CNTNAP5: variants seen among roughly 807,000 people sequenced by gnomAD.
The protein encoded by CNTNAP5 is contactin associated protein family member 5.
In CNTNAP5, 72 loss-of-function variants were observed where a neutral mutation model predicts 150.2. The observed-to-expected ratio is 0.48, with a 90% CI of 0.40 to 0.58. The LOEUF (loss-of-function observed/expected upper bound fraction) is 0.58. Among genes scored for constraint, CNTNAP5 ranks in the 20% least tolerant of loss-of-function variants. The pLI, the probability that CNTNAP5 is intolerant of heterozygous loss-of-function variation, is 0.00. For synonymous variants in CNTNAP5, 672 were observed against 619.8 expected (o/e 1.08, Z -1.25); for missense variants, 1,636 against 1,626.2 (o/e 1.01, Z -0.10).
intron 3 of CNTNAP5, among the ~76,000 whole-genome samples, chr2:124,384,782 G>A (rs17011481): frequency 0.09 from 13,704 of 152,182 alleles, 789 homozygotes; most frequent in East Asian, 0.17. Flanking sequence ...TCTGTTATCT[G>A]ATTTCCCCAG....
At chr2:124,740,296 C>CTTCAAAGTTCTATGAAGAGTTT (rs1373746392) in intron 13 of CNTNAP5, among the ~76,000 whole-genome samples, 1 of 152,138 alleles carries the variant, frequency 6.6e-6, no homozygotes, top group African/African-American at 2.4e-5. Context: ...AGAATAGTTT[C>CTTCAAAGTTCTATGAAGAGTTT]TTCAAAGTTC....
chr2:124,095,037 C>A (rs1401165801), intron 1 of CNTNAP5, among the ~76,000 whole-genome samples: 1 of 152,186 alleles, frequency 6.6e-6, no homozygotes, highest in East Asian at 1.9e-4. Context: ...GGGTAAGACA[C>A]ATGCACACTT....
intron 21 of CNTNAP5, among the ~76,000 whole-genome samples, chr2:124,876,783 C>T (rs1399066643): frequency 6.6e-6 from 1 of 152,058 alleles, no homozygotes; most frequent in Non-Finnish European, 1.5e-5. Flanking sequence ...CAAATCCTCA[C>T]ATTGTGTGTA....
Position 124,764,075 on chromosome 2 carries a change from A to T in CNTNAP5, c.2461A>T (p.Lys821Ter). ...EFSADISFFF[K>*]TTALSGVFLE... Reference sequence around the variant, plus strand: ...CAGTGCCGATATTTCCTTCTTTTTTAAAACCACAGCATTATCCGGAGTTTT... The same window carrying T: ...CAGTGCCGATATTTCCTTCTTTTTTTAAACCACAGCATTATCCGGAGTTTT... Residue 821 changes from lysine (K) to a stop codon, truncating the protein, a stop_gained, in exon 16 of 24, where the codon AAA (lysine) becomes TAA (stop). Coordinates refer to ENST00000682447, the MANE Select transcript of CNTNAP5 (RefSeq NM_001367498.1). LOFTEE classifies it high-confidence loss of function. 1 of 1,613,250 alleles carries T rather than the reference A, an allele frequency of 6.2e-7. No individual in the cohort carries two copies. The highest frequency in any genetic ancestry group is 8.5e-7 in the Non-Finnish European group (1 of 1,179,390).
intron 13 of CNTNAP5, among the ~76,000 whole-genome samples, chr2:124,739,364 T>C (rs954750276): frequency 1.3e-5 from 2 of 152,170 alleles, no homozygotes; most frequent in Non-Finnish European, 2.9e-5. Context: ...TTGTTTTTCT[T>C]TCTGACTAAA....
chr2:124,464,635 C>T (rs1414466973), intron 6 of CNTNAP5, among the ~76,000 whole-genome samples: 1 of 152,138 alleles, frequency 6.6e-6, no homozygotes, highest in Non-Finnish European at 1.5e-5. Flanking sequence ...ATTTGGAAAG[C>T]CATCGTCCAA....
At chr2:124,635,615 A>G (rs1036847206) in intron 12 of CNTNAP5, among the ~76,000 whole-genome samples, 1 of 152,186 alleles carries the variant, frequency 6.6e-6, no homozygotes, top group Non-Finnish European at 1.5e-5. Flanking sequence ...TTGGAAGTGG[A>G]AAATAACAAA....
At chr2:124,077,662 C>G (rs1682469985) in intron 1 of CNTNAP5, among the ~76,000 whole-genome samples, 1 of 152,188 alleles carries the variant, frequency 6.6e-6, no homozygotes, top group Admixed American at 6.5e-5. Context: ...AGTTTTCTCT[C>G]AATGCCATCA....
intron 12 of CNTNAP5, among the ~76,000 whole-genome samples, chr2:124,630,564 G>T (rs944119381): frequency 6.6e-6 from 1 of 152,002 alleles, no homozygotes; most frequent in Admixed American, 6.6e-5. Flanking sequence ...GGTATTGAAG[G>T]AACATACCTC....
At chr2:124,185,501 G>A (rs992672923) in intron 1 of CNTNAP5, among the ~76,000 whole-genome samples, 1 of 152,084 alleles carries the variant, frequency 6.6e-6, no homozygotes, top group African/African-American at 2.4e-5. Flanking sequence ...GCTCTTTTGG[G>A]TTACCTTCAT....
In CNTNAP5 at chr2:124,307,584, C is replaced by T. The variant is rs530456926; in HGVS notation, c.381+65191C>T. On this transcript the variant is annotated intron_variant, in intron 3 of 23. Transcript: ENST00000682447. ...TGAACTCAAGGGTTTTTGGCTTTAG[C>T]CTCAGCCATTATTTTTCTATTGGTT... 1.4e-4 allele frequency among the ~76,000 whole-genome samples: 22 copies of T among 152,298 alleles called. No homozygotes were observed. In the South Asian group the frequency reaches 1.9e-3, roughly 13 times the overall value.
chr2:124,722,479 A>G (rs1680068760), intron 13 of CNTNAP5, among the ~76,000 whole-genome samples: 1 of 152,184 alleles, frequency 6.6e-6, no homozygotes, highest in Non-Finnish European at 1.5e-5. Context: ...ATAGGTCCCA[A>G]GCAAGACCAA....
chr2:124,841,428 A>G (rs1002987097), intron 19 of CNTNAP5, among the ~76,000 whole-genome samples: 1 of 150,950 alleles, frequency 6.6e-6, no homozygotes, highest in African/African-American at 2.4e-5. Context: ...TTCATTTAGT[A>G]AGATCCTCTG....
At chr2:124,759,797 C>A (rs1390748795) in intron 14 of CNTNAP5, among the ~76,000 whole-genome samples, 6 of 151,050 alleles carry the variant, frequency 4.0e-5, no homozygotes, top group Admixed American at 4.0e-4. Context: ...CTCCCACCCA[C>A]CCCTGTGTGG....
intron 21 of CNTNAP5, among the ~76,000 whole-genome samples, chr2:124,900,708 G>A (rs1242684938): frequency 6.6e-6 from 1 of 151,646 alleles, no homozygotes; most frequent in Admixed American, 6.6e-5. Flanking sequence ...GGGAATGAGA[G>A]CTGGCAATGT....
At chr2:124,263,201 C>T (rs1330069663) in intron 3 of CNTNAP5, among the ~76,000 whole-genome samples, 1 of 152,144 alleles carries the variant, frequency 6.6e-6, no homozygotes, top group African/African-American at 2.4e-5. Context: ...TATTTCTAGT[C>T]TAGATCCTTG....
At chr2:124,684,953 C>A (rs956352500) in intron 13 of CNTNAP5, among the ~76,000 whole-genome samples, 3 of 152,124 alleles carry the variant, frequency 2.0e-5, no homozygotes, top group African/African-American at 7.2e-5. Flanking sequence ...CTTTTAATCA[C>A]CAGGCCTTCC....
intron 19 of CNTNAP5, among the ~76,000 whole-genome samples, chr2:124,837,730 C>T (rs1682859846): frequency 6.6e-6 from 1 of 152,124 alleles, no homozygotes; most frequent in Admixed American, 6.6e-5. Context: ...ACACGCTTCT[C>T]CTAGGAATTC....
At chr2:124,311,187 T>C (rs1688821516) in intron 3 of CNTNAP5, among the ~76,000 whole-genome samples, 1 of 152,204 alleles carries the variant, frequency 6.6e-6, no homozygotes, top group African/African-American at 2.4e-5. Flanking sequence ...ATCATTTTTT[T>C]CCCTGCCTGT....
Sources: allele counts gnomAD v4.1 joint callset (sites outside exome capture counted in the v4.1 genomes callset), GRCh38; gene constraint gnomAD v4.1.1; transcripts MANE v1.5; gene names NCBI Gene and HGNC (gene_info 2026-07-23, HGNC 2026-07-21).